PCSK5: variants seen among roughly 807,000 people sequenced by gnomAD.
The protein encoded by PCSK5 is proprotein convertase subtilisin/kexin type 5, also known as prohormone convertase 5.
A neutral mutation model predicts 233.2 loss-of-function variants in PCSK5; 129 were observed. That is an observed-to-expected ratio of 0.55 (90% CI 0.48 to 0.64). PCSK5 has a LOEUF of 0.64. PCSK5 is among the 30% of genes least tolerant of loss of function. PCSK5 has a pLI of 0.00. For synonymous variants in PCSK5, 825 were observed against 879.2 expected (o/e 0.94, Z 1.09); for missense variants, 2,076 against 2,430.1 (o/e 0.85, Z 3.06).
intron 20 of PCSK5, among the ~76,000 whole-genome samples, chr9:76,214,235 T>A (rs968725188): frequency 3.3e-5 from 5 of 151,918 alleles, no homozygotes; most frequent in South Asian, 2.1e-4. Flanking sequence ...AGCAAATAGT[T>A]CCAGATTACA....
At chr9:75,979,308 T>C (rs995253637) in intron 2 of PCSK5, among the ~76,000 whole-genome samples, 2 of 152,138 alleles carry the variant, frequency 1.3e-5, no homozygotes, top group Non-Finnish European at 2.9e-5. Flanking sequence ...ACAAGGGTAC[T>C]ACCTCCAGAT....
intron 2 of PCSK5, among the ~76,000 whole-genome samples, chr9:75,953,711 C>T (rs370734855): frequency 1.4e-4 from 21 of 151,736 alleles, no homozygotes; most frequent in Admixed American, 1.4e-3. Context: ...AGCAAAATAT[C>T]GTATTTGCTT....
chr9:76,163,516 G>A (rs1013108368), intron 12 of PCSK5, among the ~76,000 whole-genome samples: 9 of 152,216 alleles, frequency 5.9e-5, no homozygotes, highest in Middle Eastern at 3.2e-3. Flanking sequence ...GGTGTGTGCC[G>A]TGGGTCAATG....
intron 9 of PCSK5, among the ~76,000 whole-genome samples, chr9:76,113,303 G>A (rs1832296637): frequency 6.6e-6 from 1 of 152,160 alleles, no homozygotes; most frequent in East Asian, 1.9e-4. Context: ...GGAGTGTTGA[G>A]CCAAAGGATG....
chr9:76,307,718 G>C (rs778782298), intron 28 of PCSK5, among the ~76,000 whole-genome samples: 3 of 151,844 alleles, frequency 2.0e-5, no homozygotes, highest in Non-Finnish European at 4.4e-5. Context: ...CAATGATTTG[G>C]GACAAACTTA....
At chr9:76,304,550 G>A (rs1192537875) in intron 28 of PCSK5, among the ~76,000 whole-genome samples, 1 of 151,958 alleles carries the variant, frequency 6.6e-6, no homozygotes. Context: ...TTAAGCACTT[G>A]ACACGTATTA....
intron 20 of PCSK5, among the ~76,000 whole-genome samples, chr9:76,208,225 G>C (rs181921195): frequency 6.6e-6 from 1 of 152,258 alleles, no homozygotes; most frequent in African/African-American, 2.4e-5. Context: ...CATTCAAACC[G>C]TAGCAGGTCC....
chr9:76,052,792 C>G (rs1178419868), intron 5 of PCSK5, among the ~76,000 whole-genome samples: 1 of 152,148 alleles, frequency 6.6e-6, no homozygotes, highest in Non-Finnish European at 1.5e-5. Context: ...AAAGCTAGTC[C>G]CTTCCACCTA....
chr9:76,096,954 CAG>C (rs1308596451), intron 8 of PCSK5, among the ~76,000 whole-genome samples: 1 of 148,978 alleles, frequency 6.7e-6, no homozygotes, highest in African/African-American at 2.5e-5. Context: ...TTTTTTGAGA[CAG>C]AGTCTCGCTC....
chr9:75,981,385 CTAAGA>C (rs779932183), intron 2 of PCSK5, among the ~76,000 whole-genome samples: 1 of 152,142 alleles, frequency 6.6e-6, no homozygotes, highest in East Asian at 1.9e-4. Flanking sequence ...GGTAGCTAAT[CTAAGA>C]TAATAACCAA....
chr9:76,279,116 T>C (rs866489575), intron 24 of PCSK5, among the ~76,000 whole-genome samples: 1,557 of 133,546 alleles, frequency 0.012, 32 homozygotes, highest in African/African-American at 0.042. Flanking sequence ...CCTGTGTCCA[T>C]GTGATCTCAT....
intron 35 of PCSK5, among the ~76,000 whole-genome samples, chr9:76,346,893 T>G (rs10869757): frequency 0.23 from 34,822 of 151,974 alleles, 4,140 homozygotes; most frequent in Middle Eastern, 0.41. Context: ...TGCCCAATAG[T>G]TTTAGGATGT....
At chr9:76,048,937 A>C (rs1354248048) in intron 5 of PCSK5, among the ~76,000 whole-genome samples, 1 of 152,198 alleles carries the variant, frequency 6.6e-6, no homozygotes, top group Non-Finnish European at 1.5e-5. Flanking sequence ...AAAAGGTAGA[A>C]GCATGTGTTT....
chr9:76,057,648 A>C (rs1309798392), intron 5 of PCSK5, among the ~76,000 whole-genome samples: 2 of 152,172 alleles, frequency 1.3e-5, no homozygotes. Flanking sequence ...AATAGTCACT[A>C]TATTATTCAC....
intron 4 of PCSK5, among the ~76,000 whole-genome samples, chr9:76,024,128 G>A (rs2275406): frequency 0.087 from 13,248 of 152,134 alleles, 707 homozygotes; most frequent in East Asian, 0.2. Context: ...CAGAAACTCC[G>A]CCACCACACC....
intron 2 of PCSK5, among the ~76,000 whole-genome samples, chr9:75,959,927 C>T (rs976673865): frequency 4.7e-4 from 71 of 152,304 alleles, no homozygotes; most frequent in African/African-American, 1.5e-3. Flanking sequence ...TCCACTTAAA[C>T]GTTGCAAAGC....
intron 34 of PCSK5, among the ~76,000 whole-genome samples, chr9:76,336,934 G>T (rs1422372491): frequency 1.3e-5 from 2 of 152,004 alleles, no homozygotes; most frequent in African/African-American, 4.8e-5. Flanking sequence ...TGTCTCATTT[G>T]TAGGTTCAAT....
At chr9:76,068,624 A>G (rs963342796) in intron 6 of PCSK5, among the ~76,000 whole-genome samples, 8 of 152,236 alleles carry the variant, frequency 5.3e-5, no homozygotes, top group African/African-American at 1.2e-4. Flanking sequence ...TCAATTATAC[A>G]TACACTTACT....
intron 24 of PCSK5, among the ~76,000 whole-genome samples, chr9:76,247,706 A>G (rs1826660452): frequency 6.6e-6 from 1 of 152,208 alleles, no homozygotes; most frequent in Non-Finnish European, 1.5e-5. Flanking sequence ...AAAGATAACT[A>G]AGAAACTAAT....
Sources: allele counts gnomAD v4.1 joint callset (sites outside exome capture counted in the v4.1 genomes callset), GRCh38; gene constraint gnomAD v4.1.1; transcripts MANE v1.5; gene names NCBI Gene and HGNC (gene_info 2026-07-23, HGNC 2026-07-21).